Variants in FSTL5 observed in about 807,000 individuals in gnomAD.
The protein encoded by FSTL5 is follistatin like 5, also known as follistatin-related protein 5.
A neutral mutation model predicts 89.1 loss-of-function variants in FSTL5; 62 were observed. That is an observed-to-expected ratio of 0.70 (90% CI 0.57 to 0.86). FSTL5 has a LOEUF of 0.86. Ranked by LOEUF, FSTL5 falls within the 40% of genes least tolerant of loss-of-function variation. FSTL5 has a pLI of 0.00. For synonymous variants in FSTL5, 383 were observed against 346.2 expected (o/e 1.11, Z -1.18); for missense variants, 1,057 against 1,001.6 (o/e 1.06, Z -0.75).
chr4:161,941,621 C>T (rs921871762), intron 3 of FSTL5, among the ~76,000 whole-genome samples: 6 of 151,784 alleles, frequency 4.0e-5, no homozygotes, highest in Non-Finnish European at 7.4e-5. Context: ...CATATATGCA[C>T]CAAATCTCAG....
intron 6 of FSTL5, among the ~76,000 whole-genome samples, chr4:161,745,554 A>G (rs915215545): frequency 6.6e-6 from 1 of 152,064 alleles, no homozygotes; most frequent in African/African-American, 2.4e-5. Context: ...ATTTAATTAC[A>G]CAGTTTTAGT....
rs544084687 is a variant in FSTL5 at position 161,834,326 on chromosome 4, C to A, written c.410-58252G>T. On this transcript the variant is annotated intron_variant, in intron 4 of 15. Transcript: ENST00000306100. ...TCAAAATAACAAGAGTTATCTATGA[C>A]AAACCCACAGCCAATATCATACTGA... Among the ~76,000 whole-genome samples the A allele has an allele frequency of 2.8e-3, 425 of 152,170 alleles. 2 individuals are homozygous for A. Among genetic ancestry groups the A allele is most frequent in the African/African-American group, 9.7e-3 (403 of 41,520 alleles).
intron 1 of FSTL5, among the ~76,000 whole-genome samples, chr4:162,159,176 A>G (rs1303078323): frequency 6.6e-6 from 1 of 152,096 alleles, no homozygotes; most frequent in East Asian, 1.9e-4. Flanking sequence ...CTAGTGGTCC[A>G]ACTACAAAAG....
intron 3 of FSTL5, among the ~76,000 whole-genome samples, chr4:161,943,718 G>A (rs1450395957): frequency 1.3e-5 from 2 of 151,512 alleles, no homozygotes; most frequent in Admixed American, 1.3e-4. Flanking sequence ...ACCATGCCCG[G>A]CTAATTTTTT....
chr4:161,779,799 ATATATATATATG>A (rs1357197089), intron 4 of FSTL5, among the ~76,000 whole-genome samples: 494 of 39,930 alleles, frequency 0.012, 17 homozygotes, highest in African/African-American at 0.048. Flanking sequence ...ATATATATAT[ATATATATATATG>A]TATATATATA....
At chr4:161,593,549 G>A (rs1430974298) in intron 7 of FSTL5, among the ~76,000 whole-genome samples, 2 of 151,826 alleles carry the variant, frequency 1.3e-5, no homozygotes, top group Admixed American at 6.6e-5. Context: ...AGGAGGAGGA[G>A]GAGTCAAGGA....
chr4:161,454,592 T>G (rs1373704301), intron 15 of FSTL5, among the ~76,000 whole-genome samples: 4 of 152,190 alleles, frequency 2.6e-5, no homozygotes, highest in African/African-American at 9.6e-5. Context: ...AATATATTTC[T>G]ATGACTGTGG....
At chr4:161,902,740 T>C (rs190030884) in intron 4 of FSTL5, among the ~76,000 whole-genome samples, 11 of 151,912 alleles carry the variant, frequency 7.2e-5, no homozygotes, top group African/African-American at 2.4e-4. Flanking sequence ...TCCCAGCTAC[T>C]CGGGAAGCTG....
At chr4:161,591,626 T>A (rs1733825791) in intron 7 of FSTL5, among the ~76,000 whole-genome samples, 1 of 152,168 alleles carries the variant, frequency 6.6e-6, no homozygotes, top group Non-Finnish European at 1.5e-5. Flanking sequence ...ATAATTGACA[T>A]ATTTTTATGA....
chr4:161,557,854 T>C (rs1732445756), intron 8 of FSTL5, among the ~76,000 whole-genome samples: 1 of 151,808 alleles, frequency 6.6e-6, no homozygotes, highest in Admixed American at 6.6e-5. Context: ...AGCCCATATT[T>C]GAGAATCTAA....
At chr4:161,562,035 C>T (rs921344597) in intron 8 of FSTL5, among the ~76,000 whole-genome samples, 2 of 152,014 alleles carry the variant, frequency 1.3e-5, no homozygotes, top group African/African-American at 4.8e-5. Context: ...AGGACACCCA[C>T]CTTACTGAGA....
At chr4:161,944,771 C>T (rs1023612243) in intron 3 of FSTL5, among the ~76,000 whole-genome samples, 8 of 151,422 alleles carry the variant, frequency 5.3e-5, no homozygotes, top group African/African-American at 1.9e-4. Context: ...ATATTACTAG[C>T]TTTATAGTTT....
intron 13 of FSTL5, among the ~76,000 whole-genome samples, chr4:161,470,621 C>CAAAAA (rs34868487): frequency 7.0e-6 from 1 of 143,782 alleles, no homozygotes; most frequent in Admixed American, 6.9e-5. Context: ...TCTATTTCTG[C>CAAAAA]AAAAAAAAAA....
At position 161,385,668 on chromosome 4, in the gene FSTL5, G is replaced by T; in HGVS notation, c.*79C>A. On this transcript the variant is annotated 3_prime_UTR_variant, in exon 16 of 16. Transcript: ENST00000306100. Reference sequence around the variant, plus strand: ...TTTGACTAGGATATAAACTTGGAAAGTTAAGTTGTAAATTTAAACAATGGA... The same window carrying T: ...TTTGACTAGGATATAAACTTGGAAATTTAAGTTGTAAATTTAAACAATGGA... The T allele has an allele frequency of 1.8e-6, 2 of 1,112,328 alleles. No individual in the cohort carries two copies. Among genetic ancestry groups the T allele is most frequent in the East Asian group, 4.8e-5 (2 of 41,804 alleles). The allele number at this position is 1,112,328 out of a possible 1,614,324, so 68.9% of individuals were successfully genotyped here.
chr4:162,045,660 C>T (rs1738142678), intron 2 of FSTL5, among the ~76,000 whole-genome samples: 1 of 152,076 alleles, frequency 6.6e-6, no homozygotes, highest in South Asian at 2.1e-4. Flanking sequence ...ATGACACCGA[C>T]AGACTTGCTT....
intron 4 of FSTL5, among the ~76,000 whole-genome samples, chr4:161,819,360 G>A (rs1048160237): frequency 6.6e-6 from 1 of 152,006 alleles, no homozygotes; most frequent in Non-Finnish European, 1.5e-5. Context: ...TGTTCACTGA[G>A]TTGGTTCTTC....
At position 161,804,055 on chromosome 4, in the gene FSTL5, T is replaced by A. The variant is rs144196886; in HGVS notation, c.410-27981A>T. Among the ~76,000 whole-genome samples, 25 of 152,048 alleles carry A rather than the reference T, an allele frequency of 1.6e-4. No homozygotes were observed. The East Asian group carries it at 3.3e-3, about 20-fold the overall frequency. On this transcript the variant is annotated intron_variant, in intron 4 of 15. Coordinates refer to ENST00000306100, the MANE Select transcript of FSTL5 (RefSeq NM_020116.5). ...CTATCAGCTGGAGAACACCCTTAGCTCCTCTGTGGTTCTTACACGTGGCAC... is the reference window on the plus strand; with the variant it reads ...CTATCAGCTGGAGAACACCCTTAGCACCTCTGTGGTTCTTACACGTGGCAC...
intron 6 of FSTL5, among the ~76,000 whole-genome samples, chr4:161,676,334 T>C (rs1737298856): frequency 6.6e-6 from 1 of 152,042 alleles, no homozygotes; most frequent in Non-Finnish European, 1.5e-5. Flanking sequence ...AAAAAAAGGA[T>C]GAGTTTATGT....
chr4:161,629,876 C>A (rs552875505), intron 7 of FSTL5, among the ~76,000 whole-genome samples: 1 of 152,172 alleles, frequency 6.6e-6, no homozygotes, highest in African/African-American at 2.4e-5. Context: ...ATCCCCTGAA[C>A]GACAGAGTTG....
Sources: allele counts gnomAD v4.1 joint callset (sites outside exome capture counted in the v4.1 genomes callset), GRCh38; gene constraint gnomAD v4.1.1; transcripts MANE v1.5; gene names NCBI Gene and HGNC (gene_info 2026-07-23, HGNC 2026-07-21).